Variants in CHN1 observed in about 807,000 individuals in gnomAD.
CHN1 encodes N-chimaerin.
Under a neutral mutation model 59.5 loss-of-function variants are expected in CHN1, and 37 were observed. The observed-to-expected ratio is 0.62, with a 90% CI of 0.48 to 0.82. CHN1 has a LOEUF of 0.82. Among genes scored for constraint, CHN1 ranks in the 40% least tolerant of loss-of-function variants. CHN1 has a pLI of 0.00. For missense variants in CHN1, 469 were observed against 571.0 expected (o/e 0.82, Z 1.82); for synonymous variants, 206 against 200.4 (o/e 1.03, Z -0.24).
chr2:174,867,431 T>C (rs1446029834), intron 6 of CHN1, among the ~76,000 whole-genome samples: 4 of 151,616 alleles, frequency 2.6e-5, no homozygotes, highest in South Asian at 2.1e-4. Flanking sequence ...ATAGACAGTA[T>C]AGGGAAAAAG....
rs1692030871 is a variant in CHN1 at position 175,005,258 on chromosome 2, C to T, written c.-346G>A. The T allele has an allele frequency of 2.6e-6, 3 of 1,171,694 alleles. No homozygotes were observed. The highest frequency in any genetic ancestry group is 3.2e-6 in the Non-Finnish European group (3 of 946,102). 72.6% of individuals were successfully genotyped at this position (1,171,694 alleles called of 1,614,324 possible). A position where few individuals can be genotyped will look rare whatever the true frequency, so the allele number is the denominator to read the frequency against. ...GCAGTGGCTGGCGGAGAGGCGGCGCCGCACTGGCGGCGGCGGCGGCGGCGA... is the reference window on the plus strand; with the variant it reads ...GCAGTGGCTGGCGGAGAGGCGGCGCTGCACTGGCGGCGGCGGCGGCGGCGA... On this transcript the variant is annotated 5_prime_UTR_variant, in exon 1 of 13. Coordinates refer to ENST00000409900, the MANE Select transcript of CHN1 (RefSeq NM_001822.7).
chr2:174,890,179 G>A (rs1481877436), intron 5 of CHN1, among the ~76,000 whole-genome samples: 4 of 152,082 alleles, frequency 2.6e-5, no homozygotes, highest in African/African-American at 9.7e-5. Context: ...GTCTACAAAA[G>A]ACTCACCTTA....
Position 174,804,720 on chromosome 2 carries a change from G to A in CHN1, c.1103-2908C>T, listed in dbSNP as rs139459862. 5.5e-3 allele frequency among the ~76,000 whole-genome samples: 834 copies of A among 152,314 alleles called. 7 individuals carry two copies. Among genetic ancestry groups the A allele is most frequent in the African/African-American group, 0.019 (794 of 41,582 alleles). ...CCAGGTTTTTGGCTTCAGCAGCAGCGAGGACGAGGCCTCTATTAACTGAGA... is the reference window on the plus strand; with the variant it reads ...CCAGGTTTTTGGCTTCAGCAGCAGCAAGGACGAGGCCTCTATTAACTGAGA... On this transcript the variant is annotated intron_variant, in intron 11 of 12. Coordinates refer to ENST00000409900, the MANE Select transcript of CHN1 (RefSeq NM_001822.7).
chr2:174,918,322 G>A (rs2105373564), intron 4 of CHN1, among the ~76,000 whole-genome samples: 1 of 152,016 alleles, frequency 6.6e-6, no homozygotes, highest in Non-Finnish European at 1.5e-5. Flanking sequence ...TAACATTATT[G>A]CATGTACATT....
At chr2:174,810,093 C>T (rs1363666079) in intron 10 of CHN1, among the ~76,000 whole-genome samples, 1 of 152,150 alleles carries the variant, frequency 6.6e-6, no homozygotes, top group Non-Finnish European at 1.5e-5. Context: ...GAGGTTTATG[C>T]CTCTCAGAAG....
intron 8 of CHN1, among the ~76,000 whole-genome samples, chr2:174,818,795 A>T (rs1451558135): frequency 6.6e-6 from 1 of 152,200 alleles, no homozygotes; most frequent in Non-Finnish European, 1.5e-5. Flanking sequence ...ACTTTAAATT[A>T]CTTTCAGACT....
chr2:174,890,123 TAGAG>T (rs1194383032), intron 5 of CHN1, among the ~76,000 whole-genome samples: 2 of 152,174 alleles, frequency 1.3e-5, no homozygotes, highest in Non-Finnish European at 2.9e-5. Flanking sequence ...AGTTGAAAGA[TAGAG>T]AGTGGCTGAA....
chr2:174,867,219 C>CA (rs1483956267), intron 6 of CHN1, among the ~76,000 whole-genome samples: 2 of 151,480 alleles, frequency 1.3e-5, no homozygotes, highest in Admixed American at 6.6e-5. Context: ...ACTAAAAATA[C>CA]AAAAAAATTA....
chr2:174,962,142 G>A (rs895661029), intron 1 of CHN1, among the ~76,000 whole-genome samples: 5 of 151,926 alleles, frequency 3.3e-5, no homozygotes, highest in Admixed American at 6.6e-5. Context: ...AAAATTAGCC[G>A]GGCGGGGTGG....
chr2:174,827,973 G>A (rs1685747014), intron 7 of CHN1, among the ~76,000 whole-genome samples: 1 of 152,160 alleles, frequency 6.6e-6, no homozygotes, highest in Non-Finnish European at 1.5e-5. Context: ...CAAGGCTCTG[G>A]AGAAGTCAAA....
chr2:174,975,121 C>T (rs1690881192), intron 1 of CHN1, among the ~76,000 whole-genome samples: 1 of 152,104 alleles, frequency 6.6e-6, no homozygotes, highest in South Asian at 2.1e-4. Flanking sequence ...TATTTTATTC[C>T]TCTACTGCTC....
At chr2:174,803,173 A>G (rs374893688) in intron 11 of CHN1, among the ~76,000 whole-genome samples, 35 of 152,358 alleles carry the variant, frequency 2.3e-4, no homozygotes, top group African/African-American at 8.2e-4. Context: ...AAAAAATCCT[A>G]GTGTTTCTAA....
rs573568909 is a variant in CHN1 at position 174,799,692 on chromosome 2, G to A, written c.*424C>T. 8 of 534,122 alleles carry A rather than the reference G, an allele frequency of 1.5e-5. No individual in the cohort carries two copies. The highest frequency in any genetic ancestry group is 9.2e-5 in the South Asian group (6 of 65,158). The allele number at this position is 534,122 out of a possible 1,614,324, so 33.1% of individuals were successfully genotyped here. A position where few individuals can be genotyped will look rare whatever the true frequency, so the allele number is the denominator to read the frequency against. ...GGTGCTGTTTTATCCATTTGTGTGT[G>A]CGTGTTTGTACAAGCATCAGAAACC... On this transcript the variant is annotated 3_prime_UTR_variant, in exon 13 of 13. Coordinates refer to ENST00000409900, the MANE Select transcript of CHN1 (RefSeq NM_001822.7).
intron 7 of CHN1, among the ~76,000 whole-genome samples, chr2:174,840,813 C>T (rs1304866816): frequency 6.6e-6 from 1 of 152,026 alleles, no homozygotes; most frequent in Admixed American, 6.6e-5. Flanking sequence ...TTTTCAGGGG[C>T]CCACATGGAC....
At chr2:174,996,096 T>C (rs896596236) in intron 1 of CHN1, among the ~76,000 whole-genome samples, 2 of 152,224 alleles carry the variant, frequency 1.3e-5, no homozygotes, top group African/African-American at 4.8e-5. Flanking sequence ...CTGAGGCTCT[T>C]GGAATGTATC....
intron 7 of CHN1, among the ~76,000 whole-genome samples, chr2:174,826,062 T>C (rs1252295186): frequency 6.6e-6 from 1 of 152,226 alleles, no homozygotes; most frequent in African/African-American, 2.4e-5. Context: ...AAAGCAGGTA[T>C]GTGCTTGTAA....
At chr2:174,838,366 T>C (rs1233815148) in intron 7 of CHN1, among the ~76,000 whole-genome samples, 1 of 152,118 alleles carries the variant, frequency 6.6e-6, no homozygotes, top group Non-Finnish European at 1.5e-5. Context: ...GTGCTGGGAT[T>C]ACAGGAATGA....
intron 8 of CHN1, among the ~76,000 whole-genome samples, chr2:174,821,255 T>C (rs1177870309): frequency 2.0e-5 from 3 of 152,200 alleles, no homozygotes; most frequent in Non-Finnish European, 4.4e-5. Flanking sequence ...TTTCCTTGCC[T>C]TTTCCAGTTT....
chr2:174,846,245 T>C, intron 7 of CHN1: 1 of 1,506,092 alleles, frequency 6.6e-7, no homozygotes, highest in Admixed American at 2.2e-5. Flanking sequence ...ACATATCACC[T>C]TGAAAGAAAA....
Sources: gnomAD v4.1 joint callset for allele counts (sites outside exome capture counted in the v4.1 genomes callset) on GRCh38, gnomAD v4.1.1 for gene constraint, MANE v1.5 for transcripts, NCBI Gene and HGNC (gene_info 2026-07-23, HGNC 2026-07-21) for gene names.